The following UVRAG variants were observed in gnomAD, a reference collection of about 807,000 sequenced individuals.
UVRAG encodes UV radiation resistance-associated gene protein.
In UVRAG, 19 loss-of-function variants were observed where a neutral mutation model predicts 78.0. The ratio of observed to expected loss-of-function variants is 0.24; its 90% CI spans 0.17 to 0.36. UVRAG has a LOEUF of 0.36. Ranked by LOEUF, UVRAG falls within the 10% of genes least tolerant of loss-of-function variation. UVRAG has a pLI of 1.00. For missense variants in UVRAG, 740 were observed against 853.8 expected (o/e 0.87, Z 1.66); for synonymous variants, 323 against 324.6 (o/e 1.00, Z 0.05).
At chr11:76,076,339 T>C (rs1951403722) in intron 13 of UVRAG, among the ~76,000 whole-genome samples, 1 of 152,182 alleles carries the variant, frequency 6.6e-6, no homozygotes, top group South Asian at 2.1e-4. Flanking sequence ...CTCACGATCA[T>C]GGTAGAAGGC....
chr11:75,994,113 A>G (rs559009724), intron 8 of UVRAG, among the ~76,000 whole-genome samples: 6 of 152,300 alleles, frequency 3.9e-5, no homozygotes, highest in African/African-American at 1.4e-4. Flanking sequence ...CGTCCATACC[A>G]TATCACTTAT....
At chr11:76,049,552 T>TA (rs1404757574) in intron 12 of UVRAG, among the ~76,000 whole-genome samples, 5 of 152,160 alleles carry the variant, frequency 3.3e-5, no homozygotes, top group African/African-American at 1.2e-4. Flanking sequence ...TTACAAATAA[T>TA]ACAGCTTTAC....
chr11:75,991,682 G>A (rs1295015274), intron 8 of UVRAG, among the ~76,000 whole-genome samples: 3 of 152,008 alleles, frequency 2.0e-5, no homozygotes, highest in African/African-American at 7.2e-5. Flanking sequence ...TAACTAGCAT[G>A]ATATATAAAA....
At chr11:76,055,263 G>T (rs1426231776) in intron 12 of UVRAG, among the ~76,000 whole-genome samples, 2 of 152,022 alleles carry the variant, frequency 1.3e-5, no homozygotes, top group African/African-American at 2.4e-5. Context: ...ACCCAAGCTG[G>T]TCTCAAACTC....
At chr11:75,903,249 G>T (rs1174761702) in intron 5 of UVRAG, among the ~76,000 whole-genome samples, 1 of 152,162 alleles carries the variant, frequency 6.6e-6, no homozygotes, top group East Asian at 1.9e-4. Flanking sequence ...TATGAGGTTT[G>T]TTAATACCAG....
At chr11:76,062,931 T>C (rs141039115) in intron 12 of UVRAG, among the ~76,000 whole-genome samples, 51 of 152,302 alleles carry the variant, frequency 3.3e-4, no homozygotes, top group Non-Finnish European at 6.6e-4. Flanking sequence ...CTCGGTACAG[T>C]CTAACCTAGT....
intron 2 of UVRAG, among the ~76,000 whole-genome samples, chr11:75,859,377 A>G (rs1046683075): frequency 2.7e-5 from 4 of 148,300 alleles, no homozygotes; most frequent in African/African-American, 4.9e-5. Context: ...CCCTGTCTCA[A>G]AAAAAAAAAA....
chr11:75,836,317 A>C (rs1209855752), intron 1 of UVRAG, among the ~76,000 whole-genome samples: 2 of 152,166 alleles, frequency 1.3e-5, no homozygotes, highest in Non-Finnish European at 2.9e-5. Flanking sequence ...AGAAGCACTG[A>C]TCTAGGCCAT....
chr11:76,063,107 T>TA (rs34552725), intron 12 of UVRAG, among the ~76,000 whole-genome samples: 1 of 152,122 alleles, frequency 6.6e-6, no homozygotes, highest in Non-Finnish European at 1.5e-5. Flanking sequence ...TAATCTTTTT[T>TA]AAAAAAAATT....
chr11:76,102,491 A>G (rs1951894656), intron 13 of UVRAG, among the ~76,000 whole-genome samples: 1 of 152,110 alleles, frequency 6.6e-6, no homozygotes, highest in Non-Finnish European at 1.5e-5. Context: ...GGTTTTGGAG[A>G]TATAAAATCA....
chr11:75,857,497 CT>C (rs1555075376), intron 2 of UVRAG, among the ~76,000 whole-genome samples: 15 of 147,634 alleles, frequency 1.0e-4, no homozygotes, highest in East Asian at 2.0e-4. Context: ...TTCCCCCCCC[CT>C]TTTTTTTTTG....
intron 2 of UVRAG, among the ~76,000 whole-genome samples, chr11:75,854,726 C>T (rs1034973269): frequency 2.0e-5 from 3 of 152,194 alleles, no homozygotes; most frequent in East Asian, 3.9e-4. Context: ...CTGAATTGTC[C>T]TTTTTAGATG....
chr11:75,871,552 C>T (rs937612109), intron 3 of UVRAG, among the ~76,000 whole-genome samples: 2 of 150,678 alleles, frequency 1.3e-5, no homozygotes, highest in Non-Finnish European at 2.9e-5. Flanking sequence ...CCAAAGTGCT[C>T]GGATTACAGG....
intron 6 of UVRAG, among the ~76,000 whole-genome samples, chr11:75,915,960 A>G (rs898807858): frequency 2.6e-5 from 4 of 152,196 alleles, no homozygotes; most frequent in African/African-American, 9.6e-5. Context: ...TAATGTGTCT[A>G]ATCATATCTA....
At chr11:76,066,093 A>G (rs1296940667) in intron 13 of UVRAG, among the ~76,000 whole-genome samples, 1 of 152,154 alleles carries the variant, frequency 6.6e-6, no homozygotes, top group Non-Finnish European at 1.5e-5. Flanking sequence ...TTGCCTCTGC[A>G]GCTTGACCAA....
At chr11:75,979,129 G>C (rs1283180668) in intron 7 of UVRAG, among the ~76,000 whole-genome samples, 1 of 152,192 alleles carries the variant, frequency 6.6e-6, no homozygotes, top group Non-Finnish European at 1.5e-5. Flanking sequence ...GTTGGAGTTT[G>C]CTGGAGGTCC....
At chr11:75,985,879 A>G (rs1949492632) in intron 8 of UVRAG, among the ~76,000 whole-genome samples, 1 of 151,786 alleles carries the variant, frequency 6.6e-6, no homozygotes, top group Non-Finnish European at 1.5e-5. Context: ...TGTTCTATTG[A>G]TCTATTTTTC....
At chr11:76,057,586 C>T (rs751612027) in intron 12 of UVRAG, among the ~76,000 whole-genome samples, 10 of 152,136 alleles carry the variant, frequency 6.6e-5, no homozygotes, top group Non-Finnish European at 1.2e-4. Context: ...TTTTCAGTCC[C>T]CAGTGTAACC....
intron 14 of UVRAG, among the ~76,000 whole-genome samples, chr11:76,130,937 T>TTG (rs573550905): frequency 7.2e-6 from 1 of 138,632 alleles, no homozygotes; most frequent in African/African-American, 2.9e-5. Context: ...GTTTTTTTGT[T>TTG]TTTTTTTTTC....
Sources: allele counts gnomAD v4.1 joint callset (sites outside exome capture counted in the v4.1 genomes callset), GRCh38; gene constraint gnomAD v4.1.1; transcripts MANE v1.5; gene names NCBI Gene and HGNC (gene_info 2026-07-23, HGNC 2026-07-21).